The following HEATR3 variants were observed in gnomAD, a reference collection of about 807,000 sequenced individuals.
HEATR3 encodes the protein HEAT repeat-containing protein 3.
A neutral mutation model predicts 72.8 loss-of-function variants in HEATR3; 56 were observed. The ratio of observed to expected loss-of-function variants is 0.77; its 90% CI spans 0.62 to 0.96. HEATR3 has a LOEUF of 0.96. Among genes scored for constraint, HEATR3 ranks in the 40% least tolerant of loss-of-function variants. HEATR3 has a pLI of 0.00. For synonymous variants in HEATR3, 331 were observed against 318.1 expected (o/e 1.04, Z -0.43); for missense variants, 747 against 831.4 (o/e 0.90, Z 1.25).
At chr16:50,102,057 A>G (rs2037378698) in intron 13 of HEATR3, among the ~76,000 whole-genome samples, 1 of 152,210 alleles carries the variant, frequency 6.6e-6, no homozygotes, top group Admixed American at 6.5e-5. Context: ...CACTTTATTT[A>G]TGAATATAAA....
chr16:50,083,161 A>C (rs1421212515), intron 7 of HEATR3, among the ~76,000 whole-genome samples: 1 of 152,212 alleles, frequency 6.6e-6, no homozygotes, highest in African/African-American at 2.4e-5. Context: ...GACAATTGAA[A>C]ACTGAAGTTT....
chr16:50,084,267 C>G lies in HEATR3; in HGVS notation c.1266C>G (p.Leu422=). ...TCTCCCATGAAGTTCACACGGCTCT[C>G]ACCAACTACCTCATCCCAAAGAAGG... is the stretch of plus-strand genomic sequence containing the variant. The part of the protein sequence containing the change: ...LCLSHEVHTA[L]TNYLIPKKIF... Residue 422 remains leucine, a synonymous_variant, in exon 9 of 15, where the codon CTC becomes CTG. Transcript: ENST00000299192. 6.2e-7 allele frequency: 1 copy of G among 1,614,030 alleles called. No individual in the cohort carries two copies. The highest frequency in any genetic ancestry group is 2.2e-5 in the East Asian group (1 of 44,882).
At chr16:50,084,358 T>C in intron 9 of HEATR3, 67 bp downstream of exon 9, 2 of 1,539,592 alleles carry the variant, frequency 1.3e-6, no homozygotes, top group Non-Finnish European at 8.8e-7. Flanking sequence ...ATTCATTTTG[T>C]GTACAAAAGA....
rs1200224947 is a variant in HEATR3, at chr16:50,068,811, T to C, written c.343T>C (p.Cys115Arg). 1 of 1,614,076 alleles carries C rather than the reference T, an allele frequency of 6.2e-7. No individual in the cohort carries two copies. Among genetic ancestry groups the C allele is most frequent in the Non-Finnish European group, 8.5e-7 (1 of 1,179,962 alleles). Residue 115 changes from cysteine (C) to arginine (R), a missense_variant, in exon 3 of 15, where the codon TGT becomes CGT. This residue lies in a region of HEATR3 where 586 missense variants were observed against 708.8 expected (regional missense o/e 0.83). Transcript: ENST00000299192. ...NLSACGGFEV[C>R]DDMVTKDIMT... ...CAGTGCTTGTGGAGGTTTTGAAGTTTGTGATGACATGGTGACTAAGGATAT... is the reference window on the plus strand; with the variant it reads ...CAGTGCTTGTGGAGGTTTTGAAGTTCGTGATGACATGGTGACTAAGGATAT...
chr16:50,083,928 T>C lies in HEATR3; in HGVS notation c.1042-9T>C. 1.3e-6 allele frequency: 2 copies of C among 1,584,912 alleles called. No individual in the cohort carries two copies. The highest frequency in any genetic ancestry group is 2.2e-5 in the East Asian group (1 of 44,768). ...GAGTTGGTCATTTACTTTTTTTTTT[T>C]TTTTTAAGCCCACTGACAAGGAACT... On this transcript the variant is annotated splice_polypyrimidine_tract_variant and intron_variant, in intron 7 of 14. Transcript: ENST00000299192.
chr16:50,079,093 C>A, intron 7 of HEATR3, 75 bp downstream of exon 7: 2 of 1,432,966 alleles, frequency 1.4e-6, no homozygotes, highest in East Asian at 2.3e-5. Flanking sequence ...CTTGGCTTTG[C>A]AGAAAAATGT....
chr16:50,082,958 G>A (rs2036904029), intron 7 of HEATR3, among the ~76,000 whole-genome samples: 1 of 151,976 alleles, frequency 6.6e-6, no homozygotes, highest in South Asian at 2.1e-4. Context: ...GCCTGGCTAA[G>A]ACCTTGTCTC....
Position 50,092,078 on chromosome 16 carries a change from T to G in HEATR3, c.1511-2627T>G, listed in dbSNP as rs940518438. On this transcript the variant is annotated intron_variant, in intron 11 of 14. Transcript: ENST00000299192. Reference sequence around the variant, plus strand: ...TTGGCTGGACGGAGTGGTGCACACCTGTAATCCCAGCACTTTGGGATGCTG... The same window carrying G: ...TTGGCTGGACGGAGTGGTGCACACCGGTAATCCCAGCACTTTGGGATGCTG... 4.6e-5 allele frequency among the ~76,000 whole-genome samples: 7 copies of G among 152,234 alleles called. No homozygotes were observed. The South Asian group carries it at 1.2e-3, about 27-fold the overall frequency.
intron 7 of HEATR3, among the ~76,000 whole-genome samples, chr16:50,083,661 T>C (rs749756455): frequency 1.5e-4 from 23 of 152,182 alleles, no homozygotes; most frequent in Non-Finnish European, 2.9e-4. Flanking sequence ...CCTGAATATT[T>C]GTCTGTTCTC....
At chr16:50,093,373 A>G (rs2037162128) in intron 11 of HEATR3, among the ~76,000 whole-genome samples, 1 of 152,182 alleles carries the variant, frequency 6.6e-6, no homozygotes, top group Non-Finnish European at 1.5e-5. Flanking sequence ...GGCACAGTGG[A>G]GATGGCTTTT....
At position 50,093,486 on chromosome 16, in the gene HEATR3, T is replaced by C. The variant is rs368836143; in HGVS notation, c.1511-1219T>C. ...TGGCAACGTCTGGAGGTATTTTTGGTTTTACAACTTGGAAATTGCAACTGG... is the reference window on the plus strand; with the variant it reads ...TGGCAACGTCTGGAGGTATTTTTGGCTTTACAACTTGGAAATTGCAACTGG... On this transcript the variant is annotated intron_variant, in intron 11 of 14. Transcript: ENST00000299192. Among the ~76,000 whole-genome samples, 36 of 152,258 alleles carry C rather than the reference T, an allele frequency of 2.4e-4. No individual in the cohort carries two copies. The South Asian group carries it at 7.3e-3, about 31-fold the overall frequency.
chr16:50,066,987 A>G (rs574059459), intron 2 of HEATR3: 1 of 159,892 alleles, frequency 6.3e-6, no homozygotes, highest in East Asian at 1.8e-4. Flanking sequence ...AAAAAGGTAA[A>G]ACATAATATT....
chr16:50,090,701 C>T (rs1428306197), intron 11 of HEATR3, among the ~76,000 whole-genome samples: 1 of 152,176 alleles, frequency 6.6e-6, no homozygotes, highest in Non-Finnish European at 1.5e-5. Flanking sequence ...GTCAGTCTGT[C>T]ATTCGGCTCT....
chr16:50,100,846 A>G, intron 13 of HEATR3: 1 of 193,104 alleles, frequency 5.2e-6, no homozygotes, highest in Non-Finnish European at 1.0e-5. Flanking sequence ...TAGTGCCAAT[A>G]TACTAGCAAT....
At chr16:50,095,133 A>G (rs1402352697) in intron 12 of HEATR3, among the ~76,000 whole-genome samples, 1 of 146,942 alleles carries the variant, frequency 6.8e-6, no homozygotes, top group Non-Finnish European at 1.5e-5. Context: ...TTTTTTTTTG[A>G]GACAGAGTCT....
chr16:50,068,033 C>T (rs1209132516), intron 2 of HEATR3, among the ~76,000 whole-genome samples: 1 of 151,980 alleles, frequency 6.6e-6, no homozygotes, highest in Non-Finnish European at 1.5e-5. Context: ...AATGAATGGG[C>T]ATTCACCAGT....
Position 50,105,166 on chromosome 16 carries a change from TTACATTCTG to T in HEATR3, c.*117_*125del, listed in dbSNP as rs1597187565. 7.1e-6 allele frequency: 9 copies of T among 1,261,456 alleles called. No individual in the cohort carries two copies. Among genetic ancestry groups the T allele is most frequent in the South Asian group, 1.3e-5 (1 of 76,648 alleles). 78.1% of individuals were successfully genotyped at this position (1,261,456 alleles called of 1,614,324 possible). A position where few individuals can be genotyped will look rare whatever the true frequency, so the allele number is the denominator to read the frequency against. On this transcript the variant is annotated 3_prime_UTR_variant, in exon 15 of 15. Coordinates refer to ENST00000299192, the MANE Select transcript of HEATR3 (RefSeq NM_182922.4). ...GTTTCTGAAAGTCATTTTTTAATGA[TTACATTCTG>T]TACATTCTGTAAAAACTTCAAAACC...
At chr16:50,101,788 G>A (rs2037371092) in intron 13 of HEATR3, among the ~76,000 whole-genome samples, 1 of 151,532 alleles carries the variant, frequency 6.6e-6, no homozygotes, top group African/African-American at 2.4e-5. Flanking sequence ...CTCCATTGCC[G>A]AGGCTGGTCT....
rs2036476518 is a variant in HEATR3 at position 50,066,002 on chromosome 16, C to G, written c.-130C>G. 2 of 655,862 alleles carry G rather than the reference C, an allele frequency of 3.0e-6. No individual in the cohort carries two copies. The highest frequency in any genetic ancestry group is 4.3e-6 in the Non-Finnish European group (2 of 470,460). 40.6% of individuals were successfully genotyped at this position (655,862 alleles called of 1,614,324 possible). A position where few individuals can be genotyped will look rare whatever the true frequency, so the allele number is the denominator to read the frequency against. Reference sequence around the variant, plus strand: ...GCGCCGTGCGCCTGCGCACGGCTTGCCCATGTGTGCTGCAGCCGTCAGCCG... The same window carrying G: ...GCGCCGTGCGCCTGCGCACGGCTTGGCCATGTGTGCTGCAGCCGTCAGCCG... On this transcript the variant is annotated 5_prime_UTR_variant, in exon 1 of 15. Coordinates refer to ENST00000299192, the MANE Select transcript of HEATR3 (RefSeq NM_182922.4).
Sources: allele counts gnomAD v4.1 joint callset (sites outside exome capture counted in the v4.1 genomes callset), GRCh38; gene constraint gnomAD v4.1.1; regional missense constraint gnomAD v4.1.1; transcripts MANE v1.5; gene names NCBI Gene and HGNC (gene_info 2026-07-23, HGNC 2026-07-21).